NEGR1: variants seen among roughly 807,000 people sequenced by gnomAD.
NEGR1 encodes the protein IgLON family member 4.
Under a neutral mutation model 40.9 loss-of-function variants are expected in NEGR1, and 10 were observed. The ratio of observed to expected loss-of-function variants is 0.24; its 90% confidence interval spans 0.15 to 0.42. NEGR1 has a LOEUF of 0.42. NEGR1 is among the 10% of genes least tolerant of loss of function. The pLI is 1.00. For synonymous variants in NEGR1, 185 were observed against 166.8 expected, an observed-to-expected ratio of 1.11 and a Z score of -0.84; for missense variants, 352 against 438.9, an observed-to-expected ratio of 0.80 and a Z score of 1.77.
intron 2 of NEGR1, among the ~76,000 whole-genome samples, chr1:71,906,118 C>T (rs879478829): frequency 5.3e-5 from 8 of 152,068 alleles, no homozygotes; most frequent in South Asian, 2.1e-4. Context: ...GCTGCTAAAA[C>T]GGAGCACTCT....
chr1:72,125,390 A>G (rs1348948513), intron 1 of NEGR1, among the ~76,000 whole-genome samples: 1 of 152,096 alleles, frequency 6.6e-6, no homozygotes, highest in Non-Finnish European at 1.5e-5. Context: ...AATATTCATA[A>G]CACTCTATCA....
At chr1:71,778,369 G>GT in intron 2 of NEGR1, among the ~76,000 whole-genome samples, 1 of 151,968 alleles carries the variant, frequency 6.6e-6, no homozygotes, top group South Asian at 2.1e-4. Flanking sequence ...TGAAATATTC[G>GT]ACATTTTATT....
At chr1:71,634,916 G>A (rs1383169060) in intron 4 of NEGR1, among the ~76,000 whole-genome samples, 1 of 152,060 alleles carries the variant, frequency 6.6e-6, no homozygotes, top group African/African-American at 2.4e-5. Context: ...CAGACTCACA[G>A]GTTTAAGAGG....
intron 2 of NEGR1, among the ~76,000 whole-genome samples, chr1:71,874,409 C>T (rs928397014): frequency 6.6e-5 from 10 of 152,080 alleles, no homozygotes; most frequent in African/African-American, 2.4e-4. Flanking sequence ...TACATATTAT[C>T]TTCAGACTCA....
intron 2 of NEGR1, among the ~76,000 whole-genome samples, chr1:71,902,812 T>C (rs1187312732): frequency 6.6e-6 from 1 of 152,132 alleles, no homozygotes; most frequent in Admixed American, 6.5e-5. Flanking sequence ...GGAAAATAAA[T>C]ACAATATGGG....
chr1:71,556,383 C>A (rs1028930409), intron 6 of NEGR1, among the ~76,000 whole-genome samples: 1 of 151,594 alleles, frequency 6.6e-6, no homozygotes, highest in Non-Finnish European at 1.5e-5. Flanking sequence ...GTACACACAG[C>A]TCAGTTAGTT....
At chr1:71,665,118 A>T (rs1652195245) in intron 4 of NEGR1, among the ~76,000 whole-genome samples, 1 of 152,214 alleles carries the variant, frequency 6.6e-6, no homozygotes, top group Admixed American at 6.5e-5. Context: ...TATATTAAAC[A>T]CTTTTAAATA....
intron 1 of NEGR1, among the ~76,000 whole-genome samples, chr1:72,161,614 A>G (rs1250700337): frequency 2.0e-5 from 3 of 150,292 alleles, no homozygotes; most frequent in East Asian, 3.9e-4. Flanking sequence ...TATTTTACCT[A>G]TCTGTGTTTT....
intron 1 of NEGR1, among the ~76,000 whole-genome samples, chr1:71,980,234 A>G (rs933378558): frequency 6.6e-6 from 1 of 152,156 alleles, no homozygotes; most frequent in Non-Finnish European, 1.5e-5. Context: ...ATGCATGTAT[A>G]TTACTTTGAT....
intron 6 of NEGR1, among the ~76,000 whole-genome samples, chr1:71,563,183 AGAGGACT>A (rs1648514940): frequency 6.6e-6 from 1 of 152,024 alleles, no homozygotes; most frequent in African/African-American, 2.4e-5. Flanking sequence ...ATAGAGAGAG[AGAGGACT>A]GACTACCTTT....
intron 1 of NEGR1, among the ~76,000 whole-genome samples, chr1:72,052,570 A>G (rs764120553): frequency 9.2e-5 from 14 of 151,500 alleles, no homozygotes; most frequent in Admixed American, 6.6e-5. Flanking sequence ...GGTGATGTAT[A>G]CATAACCACA....
intron 6 of NEGR1, among the ~76,000 whole-genome samples, chr1:71,561,011 T>G (rs1296716767): frequency 6.6e-6 from 1 of 151,634 alleles, no homozygotes; most frequent in East Asian, 1.9e-4. Flanking sequence ...TTTTATGTTC[T>G]GAAAAATTGG....
intron 6 of NEGR1, among the ~76,000 whole-genome samples, chr1:71,431,534 TCATCCATC>T (rs60332811): frequency 2.0e-5 from 3 of 151,474 alleles, no homozygotes; most frequent in Admixed American, 6.6e-5. Flanking sequence ...ATTTATCCAA[TCATCCATC>T]CATCCATCCA....
chr1:72,238,324 GTAA>G (rs745461293), intron 1 of NEGR1, among the ~76,000 whole-genome samples: 9 of 151,790 alleles, frequency 5.9e-5, no homozygotes, highest in Non-Finnish European at 1.3e-4. Context: ...TTGAATAATG[GTAA>G]TAATTAAAAT....
chr1:71,739,575 A>G (rs2101674690), intron 3 of NEGR1, among the ~76,000 whole-genome samples: 1 of 152,252 alleles, frequency 6.6e-6, no homozygotes, highest in South Asian at 2.1e-4. Context: ...AAAAATGAGT[A>G]TTTCCCTCCT....
chr1:72,147,129 A>C (rs1485122342), intron 1 of NEGR1, among the ~76,000 whole-genome samples: 1 of 152,222 alleles, frequency 6.6e-6, no homozygotes, highest in African/African-American at 2.4e-5. Context: ...AAGTCATATA[A>C]GGCAATAAAA....
chr1:72,245,846 T>C (rs1299710378), intron 1 of NEGR1, among the ~76,000 whole-genome samples: 1 of 152,180 alleles, frequency 6.6e-6, no homozygotes, highest in Non-Finnish European at 1.5e-5. Flanking sequence ...CTTCAAAAAT[T>C]GTTTTGCAAT....
chr1:72,081,358 A>C (rs557307788), intron 1 of NEGR1, among the ~76,000 whole-genome samples: 16 of 152,070 alleles, frequency 1.1e-4, no homozygotes, highest in Non-Finnish European at 1.9e-4. Flanking sequence ...CTGTATAAAT[A>C]TCTCTCCCTC....
intron 4 of NEGR1, among the ~76,000 whole-genome samples, chr1:71,640,539 G>A (rs960269546): frequency 1.3e-5 from 2 of 152,034 alleles, no homozygotes; most frequent in Non-Finnish European, 2.9e-5. Flanking sequence ...CAGTTGGTAA[G>A]TGTTAAGTCT....
Sources: gnomAD v4.1 joint callset for allele counts (sites outside exome capture counted in the v4.1 genomes callset) on GRCh38, gnomAD v4.1.1 for gene constraint, MANE v1.5 for transcripts, NCBI Gene and HGNC (gene_info 2026-07-23, HGNC 2026-07-21) for gene names.